Variants in SH3RF3 observed in about 807,000 individuals in gnomAD.
SH3RF3 encodes the protein SH3 domain containing ring finger 3, also known as E3 ubiquitin-protein ligase SH3RF3.
In SH3RF3, 29 loss-of-function variants were observed where a neutral mutation model predicts 66.3. The ratio of observed to expected loss-of-function variants is 0.44; its 90% CI spans 0.33 to 0.60. The LOEUF (loss-of-function observed/expected upper bound fraction) is 0.60. SH3RF3 is among the 20% of genes least tolerant of loss of function. SH3RF3 has a pLI of 0.04. For synonymous variants in SH3RF3, 583 were observed against 532.0 expected (o/e 1.10, Z -1.32); for missense variants, 1,194 against 1,190.9 (o/e 1.00, Z -0.04).
intron 1 of SH3RF3, among the ~76,000 whole-genome samples, chr2:109,288,426 A>G (rs1461445185): frequency 6.6e-6 from 1 of 152,236 alleles, no homozygotes; most frequent in Non-Finnish European, 1.5e-5. Flanking sequence ...TGGATATGCC[A>G]GCTTTAAAAC....
intron 1 of SH3RF3, among the ~76,000 whole-genome samples, chr2:109,294,965 T>C (rs372902192): frequency 1.3e-5 from 2 of 152,372 alleles, no homozygotes; most frequent in East Asian, 3.9e-4. Flanking sequence ...TTTCAGCCGA[T>C]GTTCATTCAG....
At chr2:109,148,568 T>C (rs1302866932) in intron 1 of SH3RF3, among the ~76,000 whole-genome samples, 1 of 152,164 alleles carries the variant, frequency 6.6e-6, no homozygotes, top group African/African-American at 2.4e-5. Flanking sequence ...TTTTGATGAG[T>C]AATAGACCCC....
chr2:109,265,047 G>C (rs796074329), intron 1 of SH3RF3, among the ~76,000 whole-genome samples: 1 of 152,220 alleles, frequency 6.6e-6, no homozygotes, highest in Admixed American at 6.5e-5. Context: ...CTTGTGGACC[G>C]CAGTCTAATT....
At chr2:109,260,015 C>G (rs887275848) in intron 1 of SH3RF3, among the ~76,000 whole-genome samples, 2 of 152,140 alleles carry the variant, frequency 1.3e-5, no homozygotes, top group African/African-American at 4.8e-5. Flanking sequence ...GATATCTTTT[C>G]CAAGTAGTAA....
chr2:109,405,928 C>T (rs557966940), intron 4 of SH3RF3, among the ~76,000 whole-genome samples: 1 of 152,378 alleles, frequency 6.6e-6, no homozygotes, highest in African/African-American at 2.4e-5. Context: ...CAGCATTCCT[C>T]ACTGGATGGT....
At chr2:109,155,981 C>T (rs1225481532) in intron 1 of SH3RF3, among the ~76,000 whole-genome samples, 9 of 152,216 alleles carry the variant, frequency 5.9e-5, no homozygotes. Flanking sequence ...CTGAGCTCTG[C>T]AGGGATTCTC....
intron 1 of SH3RF3, among the ~76,000 whole-genome samples, chr2:109,248,846 TTTTCCTTTTTCC>T (rs72342112): frequency 0.077 from 11,595 of 150,640 alleles, 939 homozygotes; most frequent in African/African-American, 0.2. Context: ...CTCCTTTTCG[TTTTCCTTTTTCC>T]TTTCCTTTTT....
intron 1 of SH3RF3, among the ~76,000 whole-genome samples, chr2:109,163,797 C>A (rs561392267): frequency 3.5e-4 from 54 of 152,304 alleles, no homozygotes; most frequent in African/African-American, 1.3e-3. Flanking sequence ...AATGAAACTT[C>A]TTAATAATGG....
At chr2:109,382,512 G>T (rs1352777277) in intron 3 of SH3RF3, among the ~76,000 whole-genome samples, 1 of 152,138 alleles carries the variant, frequency 6.6e-6, no homozygotes, top group Non-Finnish European at 1.5e-5. Flanking sequence ...CTTAGCACAT[G>T]CCCTTCCGTC....
chr2:109,139,220 T>A (rs1258425590), intron 1 of SH3RF3, among the ~76,000 whole-genome samples: 1 of 152,188 alleles, frequency 6.6e-6, no homozygotes, highest in African/African-American at 2.4e-5. Context: ...TAAAACCAGA[T>A]GTGTTTGCAT....
intron 1 of SH3RF3, among the ~76,000 whole-genome samples, chr2:109,314,821 C>G (rs953497550): frequency 3.9e-5 from 6 of 152,140 alleles, no homozygotes; most frequent in Non-Finnish European, 8.8e-5. Flanking sequence ...ATATTTCTGT[C>G]TAGTGAATAG....
At position 109,504,318 on chromosome 2, in the gene SH3RF3, GAA is replaced by G. The variant is rs1679473486; in HGVS notation, c.*2648_*2649del. 5 of 152,368 alleles carry G rather than the reference GAA, an allele frequency of 3.3e-5. No homozygotes were observed. Among genetic ancestry groups the G allele is most frequent in the African/African-American group, 1.2e-4 (5 of 41,578 alleles). 9.4% of individuals were successfully genotyped at this position (152,368 alleles called of 1,614,324 possible). A position where few individuals can be genotyped will look rare whatever the true frequency, so the allele number is the denominator to read the frequency against. On this transcript the variant is annotated 3_prime_UTR_variant, in exon 10 of 10. Transcript: ENST00000309415. ...CATGGTAGAGTCCACAGCCATGGCT[GAA>G]GTCAGTGGACACCGAGGGGACAGGA... is the stretch of plus-strand genomic sequence containing the variant.
chr2:109,289,074 T>C (rs1681103452), intron 1 of SH3RF3, among the ~76,000 whole-genome samples: 2 of 152,242 alleles, frequency 1.3e-5, no homozygotes. Context: ...TGCTAAATTA[T>C]AACTGAGGAG....
At chr2:109,478,023 G>C (rs746023418) in intron 8 of SH3RF3, among the ~76,000 whole-genome samples, 15 of 152,226 alleles carry the variant, frequency 9.9e-5, no homozygotes, top group Admixed American at 4.6e-4. Context: ...TTACTGGAAT[G>C]ATTAGAAAGC....
intron 9 of SH3RF3, among the ~76,000 whole-genome samples, chr2:109,494,328 C>CA (rs1235811129): frequency 1.3e-5 from 2 of 152,164 alleles, no homozygotes. Context: ...CTGTAGCACT[C>CA]ATTAAAGAGA....
chr2:109,190,474 G>A (rs1440171974), intron 1 of SH3RF3, among the ~76,000 whole-genome samples: 4 of 152,176 alleles, frequency 2.6e-5, no homozygotes, highest in Non-Finnish European at 2.9e-5. Context: ...GCGCCTGGTC[G>A]ACATCCTATT....
intron 8 of SH3RF3, among the ~76,000 whole-genome samples, chr2:109,487,019 G>A (rs566464900): frequency 6.6e-5 from 10 of 152,274 alleles, no homozygotes; most frequent in African/African-American, 1.9e-4. Context: ...CAACAGAGAG[G>A]AGTGCAGGCC....
At chr2:109,464,991 C>G (rs1021082483) in intron 8 of SH3RF3, among the ~76,000 whole-genome samples, 2 of 152,212 alleles carry the variant, frequency 1.3e-5, no homozygotes, top group African/African-American at 4.8e-5. Flanking sequence ...TCACATCTAA[C>G]TCCTGGCAAC....
At chr2:109,376,281 C>T (rs987825061) in intron 3 of SH3RF3, among the ~76,000 whole-genome samples, 2 of 152,234 alleles carry the variant, frequency 1.3e-5, no homozygotes, top group Admixed American at 6.5e-5. Context: ...TCAACAATAC[C>T]AGGACACAGG....
Sources: gnomAD v4.1 joint callset for allele counts (sites outside exome capture counted in the v4.1 genomes callset) on GRCh38, gnomAD v4.1.1 for gene constraint, MANE v1.5 for transcripts, NCBI Gene and HGNC (gene_info 2026-07-23, HGNC 2026-07-21) for gene names.